Variants in CRPPA observed in about 807,000 individuals in gnomAD.
CRPPA encodes the protein CDP-L-ribitol pyrophosphorylase A.
A neutral mutation model predicts 52.0 loss-of-function variants in CRPPA; 43 were observed. That is an observed-to-expected ratio of 0.83 (90% CI 0.65 to 1.07). The LOEUF is 1.07. CRPPA is among the 50% of genes least tolerant of loss of function. The pLI is 0.00. For synonymous variants in CRPPA, 250 were observed against 203.5 expected, an observed-to-expected ratio of 1.23 and a Z score of -1.94; for missense variants, 629 against 551.7, an observed-to-expected ratio of 1.14 and a Z score of -1.40.
intron 9 of CRPPA, among the ~76,000 whole-genome samples, chr7:16,103,860 T>C (rs1411297535): frequency 1.3e-5 from 2 of 152,188 alleles, no homozygotes; most frequent in Admixed American, 6.5e-5. Flanking sequence ...TAGAATAATA[T>C]TGATAATTTC....
At chr7:16,138,953 C>T (rs1419755372) in intron 9 of CRPPA, among the ~76,000 whole-genome samples, 3 of 152,126 alleles carry the variant, frequency 2.0e-5, no homozygotes, top group African/African-American at 7.2e-5. Flanking sequence ...AGGTGCCCGC[C>T]ACCACACCCA....
chr7:16,126,141 A>G (rs1002871413), intron 9 of CRPPA, among the ~76,000 whole-genome samples: 3 of 152,170 alleles, frequency 2.0e-5, no homozygotes, highest in Non-Finnish European at 2.9e-5. Context: ...AAGCAGAAAA[A>G]TATCCTGTGC....
chr7:16,242,040 C>G (rs910325243), intron 8 of CRPPA, among the ~76,000 whole-genome samples: 1 of 144,630 alleles, frequency 6.9e-6, no homozygotes, highest in African/African-American at 2.5e-5. Context: ...TTCACTGCCC[C>G]CCGGGTTCCA....
chr7:16,167,908 A>G (rs774504328), intron 9 of CRPPA, among the ~76,000 whole-genome samples: 9 of 152,210 alleles, frequency 5.9e-5, no homozygotes, highest in Non-Finnish European at 1.0e-4. Context: ...CATGCTAGAA[A>G]AAACAGAACA....
chr7:16,106,714 TA>T (rs1216577177), intron 9 of CRPPA, among the ~76,000 whole-genome samples: 1 of 152,126 alleles, frequency 6.6e-6, no homozygotes, highest in Non-Finnish European at 1.5e-5. Context: ...TGCAAAGACA[TA>T]ATAATTTAAT....
chr7:16,132,390 T>C lies in CRPPA; in HGVS notation c.1252-40591A>G, dbSNP rs1173954826. Among the ~76,000 whole-genome samples, 2 of 124,960 alleles carry C rather than the reference T, an allele frequency of 1.6e-5. 1 individual carries two copies. Among genetic ancestry groups the C allele is most frequent in the Non-Finnish European group, 3.6e-5 (2 of 54,852 alleles). 82.0% of individuals were successfully genotyped at this position (124,960 alleles called of 152,430 possible). ...GTGATGAAGACAGGATCTAAACAAA[T>C]GAGTCTTAGATACATAATGAAGAAA... On this transcript the variant is annotated intron_variant, in intron 9 of 9. Coordinates refer to ENST00000407010, the MANE Select transcript of CRPPA (RefSeq NM_001101426.4).
At chr7:16,287,929 G>A (rs1453364122) in intron 5 of CRPPA, among the ~76,000 whole-genome samples, 1 of 146,714 alleles carries the variant, frequency 6.8e-6, no homozygotes, top group Non-Finnish European at 1.5e-5. Context: ...AAGGAAGGGA[G>A]GGAGGGAGGG....
intron 9 of CRPPA, among the ~76,000 whole-genome samples, chr7:16,166,528 C>G (rs746489188): frequency 4.6e-5 from 7 of 152,142 alleles, no homozygotes; most frequent in Non-Finnish European, 8.8e-5. Flanking sequence ...AATCCACCCC[C>G]CTCAATCTCT....
At chr7:16,225,730 A>T (rs950821066) in intron 8 of CRPPA, among the ~76,000 whole-genome samples, 10 of 151,914 alleles carry the variant, frequency 6.6e-5, no homozygotes, top group African/African-American at 2.4e-4. Context: ...ATTACTTGTC[A>T]TTTTTTTAAA....
chr7:16,415,678 G>T (rs1788176063), intron 1 of CRPPA, among the ~76,000 whole-genome samples: 1 of 152,044 alleles, frequency 6.6e-6, no homozygotes, highest in Non-Finnish European at 1.5e-5. Context: ...AGCTTTCCTG[G>T]GTTCATTAAA....
chr7:16,165,640 A>G (rs1781044139), intron 9 of CRPPA, among the ~76,000 whole-genome samples: 1 of 152,234 alleles, frequency 6.6e-6, no homozygotes, highest in South Asian at 2.1e-4. Flanking sequence ...TGCAAATGCA[A>G]ATTCAAAAAC....
At chr7:16,384,040 G>C (rs1281558017) in intron 2 of CRPPA, among the ~76,000 whole-genome samples, 1 of 152,178 alleles carries the variant, frequency 6.6e-6, no homozygotes, top group East Asian at 1.9e-4. Context: ...CTAGTGAGAT[G>C]AACCCAGTAC....
At chr7:16,298,954 G>C (rs12533099) in intron 5 of CRPPA, among the ~76,000 whole-genome samples, 98 of 152,300 alleles carry the variant, frequency 6.4e-4, no homozygotes, top group African/African-American at 2.3e-3. Context: ...GTTTGTACTG[G>C]AACTCTACCA....
At chr7:16,096,637 G>C (rs1781940134) in intron 9 of CRPPA, among the ~76,000 whole-genome samples, 1 of 152,034 alleles carries the variant, frequency 6.6e-6, no homozygotes, top group African/African-American at 2.4e-5. Flanking sequence ...TGTTGCCCAG[G>C]GTAGAGTGCA....
intron 3 of CRPPA, among the ~76,000 whole-genome samples, chr7:16,365,213 G>C (rs1415272523): frequency 6.6e-6 from 1 of 152,200 alleles, no homozygotes; most frequent in African/African-American, 2.4e-5. Context: ...GAAGGAGCTA[G>C]GAGTTCACTG....
chr7:16,334,478 A>G (rs1785630246), intron 3 of CRPPA, among the ~76,000 whole-genome samples: 1 of 152,160 alleles, frequency 6.6e-6, no homozygotes, highest in Non-Finnish European at 1.5e-5. Context: ...AAGCAAGCCA[A>G]ACTTCACACA....
chr7:16,357,440 A>T (rs1297318878), intron 3 of CRPPA, among the ~76,000 whole-genome samples: 1 of 152,126 alleles, frequency 6.6e-6, no homozygotes, highest in African/African-American at 2.4e-5. Flanking sequence ...TTGGCCTCCC[A>T]AAGTGCTGGT....
At chr7:16,316,700 G>C (rs1785151882) in intron 3 of CRPPA, among the ~76,000 whole-genome samples, 1 of 151,886 alleles carries the variant, frequency 6.6e-6, no homozygotes, top group African/African-American at 2.4e-5. Flanking sequence ...TACAAAAAAG[G>C]TAAAATATTA....
chr7:16,303,153 C>T (rs1018184050), intron 4 of CRPPA, among the ~76,000 whole-genome samples: 6 of 152,126 alleles, frequency 3.9e-5, no homozygotes, highest in Non-Finnish European at 1.5e-5. Context: ...TAGCATTTCA[C>T]ATTTTAATAG....
Sources: gnomAD v4.1 joint callset for allele counts (sites outside exome capture counted in the v4.1 genomes callset) on GRCh38, gnomAD v4.1.1 for gene constraint, MANE v1.5 for transcripts, NCBI Gene and HGNC (gene_info 2026-07-23, HGNC 2026-07-21) for gene names.